ZFR2: variants seen among roughly 807,000 people sequenced by gnomAD.
ZFR2 encodes zinc finger RNA-binding protein 2.
ZFR2 carries 104 observed loss-of-function variants against 105.7 expected under a neutral mutation model. The ratio of observed to expected loss-of-function variants is 0.98; its 90% CI spans 0.84 to 1.16. The LOEUF is 1.16. ZFR2 is among the 50% of genes most tolerant of loss of function. The probability of loss-of-function intolerance (pLI) is 0.00; values close to 1 mark genes in which losing one functional copy is unlikely to be tolerated. For synonymous variants in ZFR2, 634 were observed against 597.7 expected, an observed-to-expected ratio of 1.06 and a Z score of -0.89; for missense variants, 1,425 against 1,355.5, an observed-to-expected ratio of 1.05 and a Z score of -0.80.
intron 17 of ZFR2, among the ~76,000 whole-genome samples, 164 bp from the exon 18 acceptor site, chr19:3,807,433 G>A (rs2037709380): frequency 6.6e-6 from 1 of 152,250 alleles, no homozygotes; most frequent in African/African-American, 2.4e-5. Flanking sequence ...CAGGTTCAGG[G>A]TCTCACCCGG....
rs2038334184 is a variant in ZFR2 at position 3,858,542 on chromosome 19, G to A, written c.53+10423C>T. Among the ~76,000 whole-genome samples, 1 of 152,218 alleles carries A rather than the reference G, an allele frequency of 6.6e-6. No homozygotes were observed. The highest frequency in any genetic ancestry group is 1.5e-5 in the Non-Finnish European group (1 of 68,040). ...TTTCTAAAAACAAGGACTCAGTCAG[G>A]TGCAGTGGCTCACGCCTATAATCCC... On this transcript the variant is annotated intron_variant, in intron 1 of 18. Coordinates refer to ENST00000262961, the MANE Select transcript of ZFR2 (RefSeq NM_015174.2). This position sits in a 1 kb window ranked among gnomAD's most constrained non-coding sequence, Gnocchi z 4.3.
chr19:3,840,093 C>T (rs529684753), intron 1 of ZFR2, among the ~76,000 whole-genome samples: 7 of 152,292 alleles, frequency 4.6e-5, no homozygotes, highest in Admixed American at 4.6e-4. Context: ...TACGAGTCCA[C>T]ACGGTTCACT....
chr19:3,846,243 C>G (rs2038183644), intron 1 of ZFR2, among the ~76,000 whole-genome samples: 1 of 152,258 alleles, frequency 6.6e-6, no homozygotes, highest in Non-Finnish European at 1.5e-5. Flanking sequence ...TCCCACAGTG[C>G]TGGGATTACA....
intron 8 of ZFR2, among the ~76,000 whole-genome samples, chr19:3,822,763 G>A (rs905009183): frequency 3.3e-5 from 5 of 152,144 alleles, no homozygotes; most frequent in South Asian, 2.1e-4. Flanking sequence ...ACCCAGCCCT[G>A]CCTCTTTGGC....
intron 18 of ZFR2, 115 bp from the exon 19 acceptor site, chr19:3,806,240 T>A: frequency 8.7e-7 from 1 of 1,152,486 alleles, no homozygotes; most frequent in Non-Finnish European, 1.1e-6. Context: ...CTATCCTGTA[T>A]CCCTCGAGAT....
intron 1 of ZFR2, among the ~76,000 whole-genome samples, chr19:3,840,534 G>A (rs1260487654): frequency 1.3e-5 from 2 of 149,788 alleles, no homozygotes; most frequent in Non-Finnish European, 3.0e-5. Context: ...ACTGTGCCTG[G>A]CCTGATTGTT....
chr19:3,864,257 G>A (rs1568435841), intron 1 of ZFR2, among the ~76,000 whole-genome samples: 1 of 152,078 alleles, frequency 6.6e-6, no homozygotes, highest in East Asian at 1.9e-4. Flanking sequence ...CGCACCTGTC[G>A]TCCCAGCCAC....
Position 3,811,382 on chromosome 19 carries a change from C to G in ZFR2, c.2243-16G>C. 6.4e-7 allele frequency: 1 copy of G among 1,566,596 alleles called. No homozygotes were observed. The highest frequency in any genetic ancestry group is 8.6e-7 in the Non-Finnish European group (1 of 1,157,464). ...TCCTCCACACCTTCTAGAAGAAAAA[C>G]CTCGAGGTGTGCGGGGAAGGTGCCT... On this transcript the variant is annotated splice_polypyrimidine_tract_variant and intron_variant, in intron 14 of 18. Transcript: ENST00000262961.
intron 1 of ZFR2, among the ~76,000 whole-genome samples, chr19:3,861,311 T>G (rs1568434783): frequency 6.6e-6 from 1 of 152,174 alleles, no homozygotes; most frequent in Non-Finnish European, 1.5e-5. Flanking sequence ...ACTTTCTAGC[T>G]AAAAGAAATC....
rs1188843856 is a variant in ZFR2, at chr19:3,808,844, T to C, written c.2545+28A>G. The C allele has an allele frequency of 5.9e-6, 9 of 1,518,034 alleles. No homozygotes were observed. The Admixed American group carries it at 1.9e-4, about 32-fold the overall frequency. The allele number at this position is 1,518,034 out of a possible 1,614,324, so 94.0% of individuals were successfully genotyped here. On this transcript the variant is annotated intron_variant, in intron 17 of 18. Coordinates refer to ENST00000262961, the MANE Select transcript of ZFR2 (RefSeq NM_015174.2). The stretch of plus-strand genomic sequence containing the variant: ...TGGTCTCTGCGATTTGCCGCCCACC[T>C]CCTGGGCCCTCCGGCCCAGCGACTG...
chr19:3,804,415 C>T lies in ZFR2; in HGVS notation c.*1534G>A, dbSNP rs1287953385. 2.0e-5 allele frequency: 3 copies of T among 152,282 alleles called. No homozygotes were observed. The highest frequency in any genetic ancestry group is 4.4e-5 in the Non-Finnish European group (3 of 68,158). The allele number at this position is 152,282 out of a possible 1,614,324, so 9.4% of individuals were successfully genotyped here. On this transcript the variant is annotated 3_prime_UTR_variant, in exon 19 of 19. Transcript: ENST00000262961. Reference sequence around the variant, plus strand: ...GGGGACCCCCTGCCTCAGGGCCAGCCAAGGCCTACATCAGGGAGAGAGGGA... The same window carrying T: ...GGGGACCCCCTGCCTCAGGGCCAGCTAAGGCCTACATCAGGGAGAGAGGGA...
chr19:3,853,196 C>T (rs950529218), intron 1 of ZFR2, among the ~76,000 whole-genome samples: 2 of 152,164 alleles, frequency 1.3e-5, no homozygotes, highest in Non-Finnish European at 2.9e-5. Flanking sequence ...TGCAGATGGT[C>T]GGCAGCCAAC....
chr19:3,838,266 G>A lies in ZFR2; in HGVS notation c.54-3283C>T, dbSNP rs557324137. The stretch of plus-strand genomic sequence containing the variant: ...GATGAACACTGTGACTATGGACACT[G>A]AATGAACAGCATGACTACAGACACC... On this transcript the variant is annotated intron_variant, in intron 1 of 18. Coordinates refer to ENST00000262961, the MANE Select transcript of ZFR2 (RefSeq NM_015174.2). The surrounding 1 kb of genome is among the most constrained non-coding windows in gnomAD (Gnocchi z 4.9). 3.3e-5 allele frequency among the ~76,000 whole-genome samples: 5 copies of A among 152,280 alleles called. No homozygotes were observed. The highest frequency in any genetic ancestry group is 1.3e-4 in the Admixed American group (2 of 15,298).
rs1402278045 is a variant in ZFR2, at chr19:3,819,170, G to C, written c.1806C>G (p.Pro602=). The change falls in exon 12 of 19, where the codon CCC becomes CCG. Residue 602 remains proline, a synonymous_variant. Coordinates refer to ENST00000262961, the MANE Select transcript of ZFR2 (RefSeq NM_015174.2). ...HVMCKHATIY[P]TEQELLAVQR... is the part of the protein sequence containing the mutation. The stretch of plus-strand genomic sequence containing the variant: ...GCACGGCCAGGAGCTCCTGCTCCGT[G>C]GGGTAGATGGTGGCGTGCTTGCACA... 3.1e-6 allele frequency: 5 copies of C among 1,599,052 alleles called. No homozygotes were observed. In the Admixed American group the frequency reaches 7.1e-5, roughly 23 times the overall value.
At chr19:3,864,026 T>C (rs985558540) in intron 1 of ZFR2, among the ~76,000 whole-genome samples, 2 of 152,090 alleles carry the variant, frequency 1.3e-5, no homozygotes, top group Non-Finnish European at 2.9e-5. Context: ...GTGATGGCGT[T>C]CCAACCCCGC....
At chr19:3,808,809 C>T in intron 17 of ZFR2, 63 bp downstream of exon 17, 1 of 1,370,228 alleles carries the variant, frequency 7.3e-7, no homozygotes, top group Non-Finnish European at 9.8e-7. Flanking sequence ...TGTGCCATGG[C>T]CACGGGCCCT....
chr19:3,806,165 C>A, intron 18 of ZFR2, 40 bp from the exon 19 acceptor site: 1 of 1,393,188 alleles, frequency 7.2e-7, no homozygotes, highest in Non-Finnish European at 9.3e-7. Context: ...CCCGCCCGCT[C>A]TGCTCCCCGA....
intron 17 of ZFR2, among the ~76,000 whole-genome samples, chr19:3,808,205 G>A (rs981446976): frequency 7.7e-5 from 11 of 143,408 alleles, no homozygotes; most frequent in Non-Finnish European, 1.2e-4. Context: ...CTGTGTATGT[G>A]CGTGTGTGCC....
At chr19:3,852,790 G>C (rs968365496) in intron 1 of ZFR2, among the ~76,000 whole-genome samples, 15 of 151,160 alleles carry the variant, frequency 9.9e-5, no homozygotes, top group African/African-American at 3.6e-4. Flanking sequence ...AACCAAGGCA[G>C]CCCAGGGCAG....
Sources: gnomAD v4.1 joint callset for allele counts (sites outside exome capture counted in the v4.1 genomes callset) on GRCh38, gnomAD v4.1.1 for gene constraint, Gnocchi (gnomAD v3.1) non-coding constraint, MANE v1.5 for transcripts, NCBI Gene and HGNC (gene_info 2026-07-23, HGNC 2026-07-21) for gene names.